GRM5: variants seen among roughly 807,000 people sequenced by gnomAD.
GRM5 encodes metabotropic glutamate receptor 5.
GRM5 carries 19 observed loss-of-function variants against 83.1 expected under a neutral mutation model. The observed-to-expected ratio is 0.23, with a 90% CI of 0.16 to 0.34. The LOEUF is 0.34. Among genes scored for constraint, GRM5 ranks in the 10% least tolerant of loss-of-function variants. GRM5 has a pLI of 1.00. For synonymous variants in GRM5, 675 were observed against 633.6 expected (o/e 1.07, Z -0.98); for missense variants, 1,160 against 1,588.3 (o/e 0.73, Z 4.58).
intron 3 of GRM5, among the ~76,000 whole-genome samples, chr11:88,808,912 ATTGT>A (rs1943542050): frequency 6.6e-6 from 1 of 152,016 alleles, no homozygotes; most frequent in Admixed American, 6.6e-5. Flanking sequence ...ATGAGAAATA[ATTGT>A]TTGGCATTTA....
intron 3 of GRM5, among the ~76,000 whole-genome samples, chr11:88,716,670 A>G (rs1321896386): frequency 6.6e-6 from 1 of 151,922 alleles, no homozygotes; most frequent in Non-Finnish European, 1.5e-5. Context: ...TGCATGTTAA[A>G]CCATTTAATG....
At chr11:88,789,469 G>T (rs1336944342) in intron 3 of GRM5, among the ~76,000 whole-genome samples, 2 of 152,022 alleles carry the variant, frequency 1.3e-5, no homozygotes, top group African/African-American at 4.8e-5. Context: ...AATATATAAT[G>T]ATTTTCATTT....
At chr11:88,956,559 C>T (rs1938620999) in intron 2 of GRM5, among the ~76,000 whole-genome samples, 1 of 152,196 alleles carries the variant, frequency 6.6e-6, no homozygotes, top group Non-Finnish European at 1.5e-5. Context: ...GTAAACCCAG[C>T]ACTTTCGGCG....
chr11:88,621,482 T>G (rs1481792302), intron 4 of GRM5, among the ~76,000 whole-genome samples: 4 of 152,158 alleles, frequency 2.6e-5, no homozygotes, highest in African/African-American at 9.7e-5. Flanking sequence ...TACTTTCTTT[T>G]AGAGTTGTGA....
At chr11:88,724,556 T>C (rs763854805) in intron 3 of GRM5, among the ~76,000 whole-genome samples, 6 of 152,176 alleles carry the variant, frequency 3.9e-5, no homozygotes, top group Admixed American at 3.3e-4. Flanking sequence ...GGCATTGTAA[T>C]ATATTAATAA....
At chr11:88,672,378 G>A (rs1940217114) in intron 3 of GRM5, among the ~76,000 whole-genome samples, 1 of 151,812 alleles carries the variant, frequency 6.6e-6, no homozygotes, top group African/African-American at 2.4e-5. Context: ...TTATACTCTG[G>A]TGGAAGACTT....
chr11:89,010,017 C>G (rs1940653456), intron 2 of GRM5, among the ~76,000 whole-genome samples: 1 of 141,214 alleles, frequency 7.1e-6, no homozygotes, highest in Non-Finnish European at 1.5e-5. Context: ...TATGTATATA[C>G]ACACATATTA....
rs1258630418 is a variant in GRM5, at chr11:88,816,009, C to T, written c.911+33897G>A. Among the ~76,000 whole-genome samples, 10 of 140,358 alleles carry T rather than the reference C, an allele frequency of 7.1e-5. No individual in the cohort carries two copies. In the East Asian group the frequency reaches 1.9e-3, roughly 27 times the overall value. The allele number at this position is 140,358 out of a possible 152,430, so 92.1% of individuals were successfully genotyped here. ...CGGGTGGATCATGAGGTCAGGAGAT[C>T]GAGACCATCCTGGCTAACAAGGTGA... On this transcript the variant is annotated intron_variant, in intron 3 of 9. Coordinates refer to ENST00000305447, the MANE Select transcript of GRM5 (RefSeq NM_001143831.3).
At chr11:88,575,102 T>G (rs1299278384) in intron 7 of GRM5, among the ~76,000 whole-genome samples, 1 of 151,352 alleles carries the variant, frequency 6.6e-6, no homozygotes, top group African/African-American at 2.4e-5. Flanking sequence ...AAACAAAACA[T>G]GGCATGATTG....
chr11:89,026,461 T>C (rs1030152859), intron 2 of GRM5, among the ~76,000 whole-genome samples: 1 of 152,212 alleles, frequency 6.6e-6, no homozygotes, highest in Non-Finnish European at 1.5e-5. Flanking sequence ...GAACACTGAA[T>C]ATAGATAGCA....
intron 3 of GRM5, among the ~76,000 whole-genome samples, chr11:88,750,215 C>A (rs1174055954): frequency 6.6e-6 from 1 of 151,884 alleles, no homozygotes; most frequent in Non-Finnish European, 1.5e-5. Context: ...AAGACACACA[C>A]AGGATCAAAA....
At chr11:88,625,970 G>C (rs1306501100) in intron 4 of GRM5, among the ~76,000 whole-genome samples, 1 of 152,286 alleles carries the variant, frequency 6.6e-6, no homozygotes, top group East Asian at 1.9e-4. Context: ...GCAACAGGCA[G>C]TGAGCTCTAA....
At chr11:88,510,620 G>A (rs1473414962) in intron 9 of GRM5, among the ~76,000 whole-genome samples, 1 of 152,158 alleles carries the variant, frequency 6.6e-6, no homozygotes, top group Non-Finnish European at 1.5e-5. Context: ...GGATTCAAGC[G>A]AATCTCCTGC....
chr11:88,716,046 C>G (rs1941392606), intron 3 of GRM5, among the ~76,000 whole-genome samples: 1 of 151,760 alleles, frequency 6.6e-6, no homozygotes, highest in African/African-American at 2.4e-5. Flanking sequence ...AACTTTCTCA[C>G]AAAAATAGGG....
chr11:88,672,105 C>T (rs1007556115), intron 3 of GRM5, among the ~76,000 whole-genome samples: 1 of 152,002 alleles, frequency 6.6e-6, no homozygotes, highest in African/African-American at 2.4e-5. Flanking sequence ...ATCTTTAAGA[C>T]TGTCTTGGAG....
At chr11:88,857,858 C>A (rs549426699) in intron 2 of GRM5, among the ~76,000 whole-genome samples, 5 of 152,018 alleles carry the variant, frequency 3.3e-5, no homozygotes, top group Middle Eastern at 3.4e-3. Flanking sequence ...AAGAAATATT[C>A]CTAAAAATTC....
chr11:88,567,121 G>C lies in GRM5; in HGVS notation c.2562C>G (p.Ser854=). Residue 854 remains serine (S), a synonymous_variant, in exon 8 of 10, where the codon TCC becomes TCG. Coordinates refer to ENST00000305447, the MANE Select transcript of GRM5 (RefSeq NM_001143831.3). The surrounding 1 kb of genome is among the most constrained non-coding windows in gnomAD (Gnocchi z 7.3). ...CTAGGCTGCTGGATCTGCTGGCTGC[G>C]GAGGATGACTTGCCATCCCCTACAT... ...RMHVGDGKSS[S]AASRSSSLVN... 1 of 1,613,990 alleles carries C rather than the reference G, an allele frequency of 6.2e-7. No individual in the cohort carries two copies. The highest frequency in any genetic ancestry group is 8.5e-7 in the Non-Finnish European group (1 of 1,179,922).
At chr11:88,578,131 A>G (rs757501927) in intron 7 of GRM5, among the ~76,000 whole-genome samples, 2 of 152,098 alleles carry the variant, frequency 1.3e-5, no homozygotes, top group East Asian at 1.9e-4. Flanking sequence ...TGTTGCCCCA[A>G]GTAAATGGTA....
intron 3 of GRM5, among the ~76,000 whole-genome samples, chr11:88,807,488 T>G (rs2135493447): frequency 6.6e-6 from 1 of 152,288 alleles, no homozygotes; most frequent in Non-Finnish European, 1.5e-5. Context: ...AGGAGACTTT[T>G]GCTCAAATGG....
Sources: gnomAD v4.1 joint callset for allele counts (sites outside exome capture counted in the v4.1 genomes callset) on GRCh38, gnomAD v4.1.1 for gene constraint, Gnocchi (gnomAD v3.1) non-coding constraint, MANE v1.5 for transcripts, NCBI Gene and HGNC (gene_info 2026-07-23, HGNC 2026-07-21) for gene names.